Variants in GRIK2 observed in about 807,000 individuals in gnomAD.
GRIK2 encodes the protein glutamate ionotropic receptor kainate type subunit 2, also known as glutamate receptor ionotropic, kainate 2.
GRIK2 carries 32 observed loss-of-function variants against 100.3 expected under a neutral mutation model. That is an observed-to-expected ratio of 0.32 (90% confidence interval 0.24 to 0.43). The LOEUF is 0.43. Ranked by LOEUF, GRIK2 falls within the 20% of genes least tolerant of loss-of-function variation. The probability of loss-of-function intolerance (pLI) is 1.00; values close to 1 mark genes in which losing one functional copy is unlikely to be tolerated. For synonymous variants in GRIK2, 417 were observed against 389.4 expected, an observed-to-expected ratio of 1.07 and a Z score of -0.83; for missense variants, 843 against 1,114.9, an observed-to-expected ratio of 0.76 and a Z score of 3.47.
intron 14 of GRIK2, among the ~76,000 whole-genome samples, chr6:102,001,023 T>C (rs181405359): frequency 6.6e-6 from 1 of 152,160 alleles, no homozygotes; most frequent in Admixed American, 6.6e-5. Flanking sequence ...AAATATATAA[T>C]TGAGCTGAAT....
chr6:101,972,389 T>C (rs779970949), intron 14 of GRIK2, among the ~76,000 whole-genome samples: 19 of 152,132 alleles, frequency 1.2e-4, no homozygotes, highest in Non-Finnish European at 2.2e-4. Context: ...ATTGTCTGCG[T>C]GTATGTCTTC....
At chr6:101,957,489 TTTA>T (rs1258497269) in intron 14 of GRIK2, among the ~76,000 whole-genome samples, 11 of 151,360 alleles carry the variant, frequency 7.3e-5, no homozygotes, top group Non-Finnish European at 1.6e-4. Flanking sequence ...TTATTATTTA[TTTA>T]TTTATTTATT....
chr6:101,835,314 G>A lies in GRIK2; in HGVS notation c.1317+16831G>A, dbSNP rs181847457. On this transcript the variant is annotated intron_variant, in intron 10 of 16. Transcript: ENST00000369134. Reference sequence around the variant, plus strand: ...TTATGTTTGTAATTTGTTTTTATACGTTGATTTTTGTCAGGCTGGGTTTAA... The same window carrying A: ...TTATGTTTGTAATTTGTTTTTATACATTGATTTTTGTCAGGCTGGGTTTAA... Among the ~76,000 whole-genome samples the A allele has an allele frequency of 2.3e-3, 343 of 151,906 alleles. 2 individuals carry two copies. Among genetic ancestry groups the A allele is most frequent in the African/African-American group, 7.8e-3 (321 of 41,412 alleles).
intron 4 of GRIK2, among the ~76,000 whole-genome samples, chr6:101,644,775 C>A (rs559237241): frequency 6.6e-6 from 1 of 151,818 alleles, no homozygotes; most frequent in Non-Finnish European, 1.5e-5. Flanking sequence ...CCAAATATAT[C>A]TAGCTCTGGT....
intron 14 of GRIK2, among the ~76,000 whole-genome samples, chr6:101,931,330 C>G (rs1790272219): frequency 6.6e-6 from 1 of 152,086 alleles, no homozygotes; most frequent in South Asian, 2.1e-4. Context: ...CATACAAACA[C>G]TCTAGGAAGC....
chr6:101,728,454 G>A (rs1775025631), intron 7 of GRIK2, among the ~76,000 whole-genome samples: 2 of 152,142 alleles, frequency 1.3e-5, no homozygotes, highest in African/African-American at 4.8e-5. Flanking sequence ...AAAATTTGCA[G>A]CTGTATCTCT....
chr6:101,494,637 A>G (rs966663270), intron 2 of GRIK2, among the ~76,000 whole-genome samples: 6 of 151,882 alleles, frequency 4.0e-5, no homozygotes, highest in Non-Finnish European at 8.8e-5. Flanking sequence ...ACTTCATATT[A>G]TGTAATACCA....
Position 101,973,302 on chromosome 6 carries a change from A to G in GRIK2, c.2085+44670A>G, listed in dbSNP as rs533546783. Reference sequence around the variant, plus strand: ...AGCAAGCACTTGAAGTAATGTTTCTAAACACTAAAATTTCAAAGCAATAAC... The same window carrying G: ...AGCAAGCACTTGAAGTAATGTTTCTGAACACTAAAATTTCAAAGCAATAAC... On this transcript the variant is annotated intron_variant, in intron 14 of 16. Transcript: ENST00000369134. 1.5e-4 allele frequency among the ~76,000 whole-genome samples: 23 copies of G among 152,076 alleles called. No individual in the cohort carries two copies. The South Asian group carries it at 4.6e-3, about 30-fold the overall frequency.
At chr6:101,566,994 ATATC>A (rs913461265) in intron 2 of GRIK2, among the ~76,000 whole-genome samples, 3 of 151,150 alleles carry the variant, frequency 2.0e-5, no homozygotes, top group African/African-American at 7.3e-5. Flanking sequence ...TATAAAATAT[ATATC>A]TATTAAATAA....
At chr6:101,510,326 G>C (rs897636595) in intron 2 of GRIK2, among the ~76,000 whole-genome samples, 2 of 152,092 alleles carry the variant, frequency 1.3e-5, no homozygotes. Flanking sequence ...GAGTGGGTAT[G>C]ATGGCGATTT....
intron 2 of GRIK2, among the ~76,000 whole-genome samples, chr6:101,584,644 C>T (rs775961861): frequency 7.2e-5 from 11 of 151,992 alleles, no homozygotes; most frequent in Admixed American, 1.3e-4. Flanking sequence ...TCCTTCTGTA[C>T]TGTACAATTG....
intron 12 of GRIK2, among the ~76,000 whole-genome samples, chr6:101,895,896 C>A (rs142694712): frequency 1.3e-5 from 2 of 151,470 alleles, no homozygotes; most frequent in Admixed American, 6.6e-5. Flanking sequence ...TGCTAATATG[C>A]CTGTCACATA....
chr6:101,513,152 G>T (rs1406775462), intron 2 of GRIK2, among the ~76,000 whole-genome samples: 1 of 152,072 alleles, frequency 6.6e-6, no homozygotes, highest in African/African-American at 2.4e-5. Context: ...CTTCAGAGAG[G>T]CATGAGACAT....
chr6:101,532,230 C>T (rs1456327398), intron 2 of GRIK2, among the ~76,000 whole-genome samples: 2 of 151,906 alleles, frequency 1.3e-5, no homozygotes, highest in Non-Finnish European at 2.9e-5. Flanking sequence ...CTTCCTTTCT[C>T]TATAATGCTC....
intron 9 of GRIK2, among the ~76,000 whole-genome samples, chr6:101,813,683 G>A (rs1383316365): frequency 6.6e-6 from 1 of 152,070 alleles, no homozygotes; most frequent in African/African-American, 2.4e-5. Flanking sequence ...ACTAAAACCG[G>A]CTGGGCACGG....
chr6:101,992,634 A>T (rs576689047), intron 14 of GRIK2, among the ~76,000 whole-genome samples: 1 of 151,606 alleles, frequency 6.6e-6, no homozygotes, highest in Non-Finnish European at 1.5e-5. Context: ...AATTTTTTTT[A>T]AAGTGAAATA....
intron 16 of GRIK2, chr6:102,064,039 T>G: frequency 7.0e-7 from 1 of 1,423,342 alleles, no homozygotes; most frequent in Non-Finnish European, 9.9e-7. Context: ...AAAAGAGGTT[T>G]TTAATAATGG....
At chr6:101,867,486 T>C (rs1785123040) in intron 11 of GRIK2, among the ~76,000 whole-genome samples, 1 of 151,848 alleles carries the variant, frequency 6.6e-6, no homozygotes, top group Non-Finnish European at 1.5e-5. Context: ...TCCAGAAACA[T>C]GGTCTATCAC....
chr6:101,978,575 G>A (rs1280647631), intron 14 of GRIK2, among the ~76,000 whole-genome samples: 1 of 151,800 alleles, frequency 6.6e-6, no homozygotes, highest in Admixed American at 6.6e-5. Context: ...TACATTTGAA[G>A]CAATCTGGCA....
Sources: gnomAD v4.1 joint callset for allele counts (sites outside exome capture counted in the v4.1 genomes callset) on GRCh38, gnomAD v4.1.1 for gene constraint, MANE v1.5 for transcripts, NCBI Gene and HGNC (gene_info 2026-07-23, HGNC 2026-07-21) for gene names.